Variants in ZC3H12B observed in about 807,000 individuals in gnomAD.
ZC3H12B encodes the protein probable ribonuclease ZC3H12B.
Under a neutral mutation model 43.9 loss-of-function variants are expected in ZC3H12B, and 7 were observed. The ratio of observed to expected loss-of-function variants is 0.16; its 90% CI spans 0.09 to 0.30. The LOEUF is 0.30. Among genes scored for constraint, ZC3H12B ranks in the 10% least tolerant of loss-of-function variants. The pLI, the probability that ZC3H12B is intolerant of heterozygous loss-of-function variation, is 1.00. For missense variants in ZC3H12B, 475 were observed against 670.2 expected, an observed-to-expected ratio of 0.71 and a Z score of 3.22; for synonymous variants, 222 against 241.7, an observed-to-expected ratio of 0.92 and a Z score of 0.76.
chrX:65,139,616 G>GA, the ZC3H12B span, among the ~76,000 whole-genome samples: 1 of 87,958 alleles, frequency 1.1e-5, no homozygotes, highest in Non-Finnish European at 1.9e-5. Flanking sequence ...ATATTTCTAT[G>GA]AAAAAAGTCA....
chrX:65,184,453 C>T, the ZC3H12B span, among the ~76,000 whole-genome samples: 1 of 111,205 alleles, frequency 9.0e-6, no homozygotes, highest in Non-Finnish European at 1.9e-5. Flanking sequence ...TAATAGATCT[C>T]AATACTTACC....
intron 3 of ZC3H12B, among the ~76,000 whole-genome samples, chrX:65,464,259 C>A (rs2067789800): frequency 9.0e-6 from 1 of 111,705 alleles, no homozygotes; most frequent in South Asian, 3.7e-4. Context: ...GACTTCCTAA[C>A]TGGGTTCTTA....
chrX:65,431,908 C>T (rs761973105), intron 3 of ZC3H12B, among the ~76,000 whole-genome samples: 1 of 112,181 alleles, frequency 8.9e-6, no homozygotes, highest in Non-Finnish European at 1.9e-5. Flanking sequence ...CACTGTCTTC[C>T]AGGAATGTTC....
At chrX:65,281,008 T>A in the ZC3H12B span, among the ~76,000 whole-genome samples, 1 of 111,442 alleles carries the variant, frequency 9.0e-6, no homozygotes, top group Non-Finnish European at 1.9e-5. Flanking sequence ...ATGACATTTC[T>A]TACAAAATAT....
At chrX:65,190,682 C>T in the ZC3H12B span, among the ~76,000 whole-genome samples, 1 of 110,322 alleles carries the variant, frequency 9.1e-6, no homozygotes, top group African/African-American at 3.3e-5. Context: ...TGCTTATCAT[C>T]TTCAGGAGAT....
At chrX:65,348,813 G>A in the ZC3H12B span, among the ~76,000 whole-genome samples, 2 of 111,265 alleles carry the variant, frequency 1.8e-5, no homozygotes, top group Admixed American at 1.9e-4. Flanking sequence ...GCAGCGAGAA[G>A]AGCTAACTAC....
intron 2 of ZC3H12B, among the ~76,000 whole-genome samples, chrX:65,376,506 A>G (rs1052985791): frequency 1.8e-5 from 2 of 111,742 alleles, no homozygotes; most frequent in African/African-American, 3.3e-5. Flanking sequence ...GACCCAGCAC[A>G]TATCCAGTGG....
the ZC3H12B span, among the ~76,000 whole-genome samples, chrX:65,079,120 TG>T: frequency 1.8e-5 from 2 of 112,614 alleles, no homozygotes; most frequent in African/African-American, 6.5e-5. Context: ...TGAAAACATG[TG>T]ATGTTTCTCT....
the ZC3H12B span, among the ~76,000 whole-genome samples, chrX:65,053,241 A>T: frequency 9.0e-6 from 1 of 110,606 alleles, no homozygotes; most frequent in Non-Finnish European, 1.9e-5. Flanking sequence ...ATATCTCCTA[A>T]TGCTATCCGT....
chrX:65,465,155 T>G (rs1396235607), intron 3 of ZC3H12B, among the ~76,000 whole-genome samples: 1 of 111,182 alleles, frequency 9.0e-6, no homozygotes, highest in African/African-American at 3.3e-5. Flanking sequence ...TGTTTTATTA[T>G]TAATCTTCTG....
chrX:65,119,748 T>A, the ZC3H12B span, among the ~76,000 whole-genome samples: 1 of 112,092 alleles, frequency 8.9e-6, no homozygotes, highest in East Asian at 2.8e-4. Flanking sequence ...TGGTATTGCC[T>A]AGGTTTTCTT....
chrX:65,257,041 G>A, the ZC3H12B span, among the ~76,000 whole-genome samples: 1 of 112,268 alleles, frequency 8.9e-6, no homozygotes, highest in African/African-American at 3.2e-5. Flanking sequence ...GGAAGACAGT[G>A]TGGTGATTCC....
At chrX:65,493,444 T>C (rs1489817416) in intron 1 of ZC3H12B, among the ~76,000 whole-genome samples, 1 of 112,057 alleles carries the variant, frequency 8.9e-6, no homozygotes, top group Non-Finnish European at 1.9e-5. Context: ...GGTTAACATT[T>C]GCAGTAGTAG....
At chrX:65,119,038 C>T in the ZC3H12B span, among the ~76,000 whole-genome samples, 1 of 111,052 alleles carries the variant, frequency 9.0e-6, no homozygotes, top group Non-Finnish European at 1.9e-5. Flanking sequence ...TTTTCTTAAT[C>T]CAATCTATCA....
At chrX:65,162,296 G>A in the ZC3H12B span, among the ~76,000 whole-genome samples, 4 of 111,220 alleles carry the variant, frequency 3.6e-5, no homozygotes, top group Non-Finnish European at 5.7e-5. Context: ...TGTATTTCCT[G>A]AATCTGAATG....
chrX:65,099,450 G>A, the ZC3H12B span, among the ~76,000 whole-genome samples: 2 of 111,586 alleles, frequency 1.8e-5, no homozygotes, highest in Non-Finnish European at 3.8e-5. Context: ...CCTCCCAATG[G>A]GTTGACAGAC....
the ZC3H12B span, among the ~76,000 whole-genome samples, chrX:65,165,270 T>A: frequency 8.9e-6 from 1 of 112,145 alleles, no homozygotes; most frequent in African/African-American, 3.2e-5. Flanking sequence ...TAAATTTATT[T>A]TATTTATTTT....
the ZC3H12B span, among the ~76,000 whole-genome samples, chrX:65,107,765 G>T: frequency 9.0e-6 from 1 of 110,996 alleles, no homozygotes; most frequent in Non-Finnish European, 1.9e-5. Flanking sequence ...TGAAGGACAT[G>T]TTTGCCTCCT....
chrX:65,154,786 A>T, the ZC3H12B span, among the ~76,000 whole-genome samples: 1 of 111,752 alleles, frequency 8.9e-6, no homozygotes, highest in African/African-American at 3.3e-5. Context: ...TTGAGGCTGC[A>T]GTGAGCTGTG....
Sources: gnomAD v4.1 joint callset for allele counts (sites outside exome capture counted in the v4.1 genomes callset) on GRCh38, gnomAD v4.1.1 for gene constraint, MANE v1.5 for transcripts, NCBI Gene and HGNC (gene_info 2026-07-23, HGNC 2026-07-21) for gene names.